Variants in RNF150 observed in about 807,000 individuals in gnomAD.
The protein encoded by RNF150 is ring finger protein 150.
RNF150 carries 24 observed loss-of-function variants against 39.3 expected under a neutral mutation model. The observed-to-expected ratio is 0.61, with a 90% CI of 0.44 to 0.86. The LOEUF is 0.86. Ranked by LOEUF, RNF150 falls within the 40% of genes least tolerant of loss-of-function variation. The pLI is 0.00. For synonymous variants in RNF150, 255 were observed against 227.3 expected, an observed-to-expected ratio of 1.12 and a Z score of -1.10; for missense variants, 502 against 587.8, an observed-to-expected ratio of 0.85 and a Z score of 1.51.
intron 2 of RNF150, among the ~76,000 whole-genome samples, chr4:140,958,640 C>T (rs1732880862): frequency 6.6e-6 from 1 of 152,140 alleles, no homozygotes; most frequent in African/African-American, 2.4e-5. Flanking sequence ...AGCCAGGTGT[C>T]TTCTGCCTCC....
At chr4:141,052,044 G>A (rs1736797085) in intron 1 of RNF150, among the ~76,000 whole-genome samples, 1 of 152,158 alleles carries the variant, frequency 6.6e-6, no homozygotes, top group African/African-American at 2.4e-5. Context: ...GGCAAAGAGA[G>A]CTTCTGCAGG....
chr4:141,180,431 ATAAG>A (rs765492207), intron 1 of RNF150, among the ~76,000 whole-genome samples: 15 of 152,182 alleles, frequency 9.9e-5, no homozygotes, highest in Non-Finnish European at 1.5e-4. Flanking sequence ...AAGAATAATA[ATAAG>A]TAATAGGTTT....
chr4:140,936,237 T>C (rs1046213977), intron 4 of RNF150, among the ~76,000 whole-genome samples: 5 of 152,202 alleles, frequency 3.3e-5, no homozygotes, highest in Admixed American at 6.5e-5. Context: ...AAATGTGCTA[T>C]GGCCACTCTT....
chr4:140,909,566 C>CA (rs1309515546), intron 6 of RNF150, among the ~76,000 whole-genome samples: 1 of 151,656 alleles, frequency 6.6e-6, no homozygotes, highest in East Asian at 1.9e-4. Context: ...GACTGAGTAC[C>CA]AAAAAATGTA....
rs912759814 is a variant in RNF150 at position 140,861,742 on chromosome 4, T to A, written c.*6519A>T. 5.3e-5 allele frequency: 8 copies of A among 152,184 alleles called. No individual in the cohort carries two copies. Among genetic ancestry groups the A allele is most frequent in the African/African-American group, 1.9e-4 (8 of 41,442 alleles). The allele number at this position is 152,184 out of a possible 1,614,324, so 9.4% of individuals were successfully genotyped here. A position where few individuals can be genotyped will look rare whatever the true frequency, so the allele number is the denominator to read the frequency against. On this transcript the variant is annotated 3_prime_UTR_variant, in exon 7 of 7. Transcript: ENST00000515673. ...TTTAGCTAGCTCTTATACATGAAAA[T>A]TCTTTGGCTATTTAAAATCTTCACA...
intron 1 of RNF150, among the ~76,000 whole-genome samples, chr4:141,162,077 C>A (rs1367314411): frequency 1.3e-5 from 2 of 152,152 alleles, no homozygotes; most frequent in South Asian, 2.1e-4. Context: ...TGGTAGAGCC[C>A]TTGACAGTTT....
intron 1 of RNF150, among the ~76,000 whole-genome samples, chr4:141,049,329 T>A (rs985303444): frequency 1.3e-5 from 2 of 148,542 alleles, no homozygotes; most frequent in South Asian, 4.2e-4. Context: ...GGAGGTGACA[T>A]ACTCAAGAGG....
rs538485890 is a variant in RNF150 at position 140,892,352 on chromosome 4, T to A, written c.1198+18792A>T. The stretch of plus-strand genomic sequence containing the variant: ...CTGAAAAGCTAAAACAAAACAAGCA[T>A]CTGATGGCTAAAATTAATTCTGCCA... On this transcript the variant is annotated intron_variant, in intron 6 of 6. Transcript: ENST00000515673. 7.9e-5 allele frequency among the ~76,000 whole-genome samples: 12 copies of A among 152,330 alleles called. No homozygotes were observed. The East Asian group carries it at 1.9e-3, about 25-fold the overall frequency.
intron 1 of RNF150, among the ~76,000 whole-genome samples, chr4:141,024,458 C>T (rs886625636): frequency 2.0e-5 from 3 of 152,114 alleles, no homozygotes; most frequent in Non-Finnish European, 2.9e-5. Flanking sequence ...AAAGCAGAAG[C>T]AAGTACAAAC....
intron 1 of RNF150, among the ~76,000 whole-genome samples, chr4:141,010,764 T>A (rs1735047448): frequency 6.6e-6 from 1 of 152,108 alleles, no homozygotes; most frequent in South Asian, 2.1e-4. Flanking sequence ...GGAGACAGTA[T>A]GGCTCACCCT....
At chr4:141,181,013 T>C (rs1210690434) in intron 1 of RNF150, among the ~76,000 whole-genome samples, 3 of 152,224 alleles carry the variant, frequency 2.0e-5, no homozygotes, top group Admixed American at 1.3e-4. Flanking sequence ...GTGATATAGA[T>C]AGAAAGTCCC....
At chr4:141,011,640 G>A (rs1349700977) in intron 1 of RNF150, among the ~76,000 whole-genome samples, 1 of 152,214 alleles carries the variant, frequency 6.6e-6, no homozygotes, top group Non-Finnish European at 1.5e-5. Flanking sequence ...AAGCTCCTAA[G>A]TTTGTAAAGA....
chr4:140,971,081 T>A (rs1733445614), intron 1 of RNF150, among the ~76,000 whole-genome samples: 2 of 152,094 alleles, frequency 1.3e-5, no homozygotes, highest in African/African-American at 4.8e-5. Context: ...ATGCACAAAA[T>A]CCAGGGCAAA....
intron 1 of RNF150, among the ~76,000 whole-genome samples, chr4:141,084,820 GATGTGACAAAGACATTCCTTATA>G (rs1472762311): frequency 1.3e-5 from 2 of 152,246 alleles, no homozygotes; most frequent in East Asian, 3.9e-4. Flanking sequence ...CATGTATAAG[GATGTGACAAAGACATTCCTTATA>G]ATGTGACAAA....
intron 1 of RNF150, among the ~76,000 whole-genome samples, chr4:141,026,822 A>G (rs1381231550): frequency 2.0e-5 from 3 of 152,228 alleles, no homozygotes; most frequent in Non-Finnish European, 4.4e-5. Context: ...GTAAAGTTGA[A>G]AACACAGGCA....
chr4:140,982,402 A>T (rs1321172970), intron 1 of RNF150, among the ~76,000 whole-genome samples: 1 of 151,694 alleles, frequency 6.6e-6, no homozygotes, highest in East Asian at 1.9e-4. Context: ...AACCTTCCAC[A>T]CCCACACCTC....
At chr4:141,019,015 G>T in intron 1 of RNF150, among the ~76,000 whole-genome samples, 1 of 140,832 alleles carries the variant, frequency 7.1e-6, no homozygotes, top group Non-Finnish European at 1.5e-5. Flanking sequence ...TTCTTTGAAG[G>T]CAATCTTACT....
At chr4:141,204,022 G>A (rs1728336394) in intron 1 of RNF150, among the ~76,000 whole-genome samples, 1 of 152,160 alleles carries the variant, frequency 6.6e-6, no homozygotes, top group South Asian at 2.1e-4. Flanking sequence ...CAGCCATTCA[G>A]GAACTGAAAG....
intron 1 of RNF150, among the ~76,000 whole-genome samples, chr4:141,049,484 A>G (rs956194452): frequency 4.6e-5 from 7 of 152,166 alleles, no homozygotes; most frequent in African/African-American, 1.4e-4. Context: ...CAAAACTTCA[A>G]TGGATAAGTG....
Sources: gnomAD v4.1 joint callset for allele counts (sites outside exome capture counted in the v4.1 genomes callset) on GRCh38, gnomAD v4.1.1 for gene constraint, MANE v1.5 for transcripts, NCBI Gene and HGNC (gene_info 2026-07-23, HGNC 2026-07-21) for gene names.